PPP4R2: variants seen among roughly 807,000 people sequenced by gnomAD.
The protein encoded by PPP4R2 is protein phosphatase 4 regulatory subunit 2.
Under a neutral mutation model 47.2 loss-of-function variants are expected in PPP4R2, and 13 were observed. The ratio of observed to expected loss-of-function variants is 0.28; its 90% confidence interval spans 0.18 to 0.44. PPP4R2 has a LOEUF of 0.44. PPP4R2 is among the 20% of genes least tolerant of loss of function. The pLI, the probability that PPP4R2 is intolerant of heterozygous loss-of-function variation, is 1.00. For synonymous variants in PPP4R2, 151 were observed against 163.3 expected (o/e 0.92, Z 0.57); for missense variants, 421 against 491.2 (o/e 0.86, Z 1.35).
At chr3:73,049,119 T>A (rs1187280320) in intron 3 of PPP4R2, among the ~76,000 whole-genome samples, 7 of 152,196 alleles carry the variant, frequency 4.6e-5, no homozygotes, top group African/African-American at 1.7e-4. Context: ...TTAAAGGCAC[T>A]TATCCAAGAA....
chr3:73,001,996 T>A (rs1366154736), intron 2 of PPP4R2, among the ~76,000 whole-genome samples: 1 of 150,046 alleles, frequency 6.7e-6, no homozygotes, highest in Non-Finnish European at 1.5e-5. Flanking sequence ...TCTCCCCTTT[T>A]ATCTCTCCTG....
intron 3 of PPP4R2, among the ~76,000 whole-genome samples, chr3:73,051,513 G>GT (rs1213014821): frequency 4.6e-5 from 7 of 151,950 alleles, no homozygotes; most frequent in Non-Finnish European, 8.8e-5. Flanking sequence ...AGTTTTTGTT[G>GT]TTTTTGCTTT....
intron 2 of PPP4R2, among the ~76,000 whole-genome samples, chr3:73,033,848 A>G (rs1033273765): frequency 6.6e-6 from 1 of 152,156 alleles, no homozygotes; most frequent in Non-Finnish European, 1.5e-5. Flanking sequence ...CCTTTTAGCC[A>G]TTGTGAATAA....
intron 7 of PPP4R2, among the ~76,000 whole-genome samples, 174 bp from the exon 8 acceptor site, chr3:73,064,678 A>G (rs991671689): frequency 1.3e-5 from 2 of 152,224 alleles, no homozygotes; most frequent in Non-Finnish European, 1.5e-5. Flanking sequence ...GGAATTATTC[A>G]TCAAACAGTT....
intron 3 of PPP4R2, among the ~76,000 whole-genome samples, chr3:73,048,058 G>A (rs904460706): frequency 5.3e-5 from 8 of 152,026 alleles, no homozygotes; most frequent in African/African-American, 1.7e-4. Context: ...TGTATTTTTA[G>A]TAGAGACAGG....
chr3:73,016,813 CTTTTTTT>C lies in PPP4R2; in HGVS notation c.116+18671_116+18677del, dbSNP rs1207946652. On this transcript the variant is annotated intron_variant, in intron 2 of 8. Coordinates refer to ENST00000356692, the MANE Select transcript of PPP4R2 (RefSeq NM_174907.4). ...AACTGGCTTTACTGGTTCATTGTTT[CTTTTTTT>C]TTTTTTTTTTTTTTTAAATACAGAG... is the stretch of plus-strand genomic sequence containing the variant. Among the ~76,000 whole-genome samples the C allele has an allele frequency of 2.9e-4, 21 of 72,888 alleles. 1 individual carries two copies. The highest frequency in any genetic ancestry group is 2.5e-3 in the South Asian group (4 of 1,624). 47.8% of individuals were successfully genotyped at this position (72,888 alleles called of 152,430 possible).
At chr3:73,002,248 T>C (rs1025567326) in intron 2 of PPP4R2, among the ~76,000 whole-genome samples, 1 of 152,184 alleles carries the variant, frequency 6.6e-6, no homozygotes, top group Admixed American at 6.5e-5. Flanking sequence ...GGTTGGTTCC[T>C]TGTTTTAAAA....
chr3:73,046,608 A>G (rs150139826), intron 2 of PPP4R2, among the ~76,000 whole-genome samples: 149 of 152,306 alleles, frequency 9.8e-4, no homozygotes, highest in Middle Eastern at 3.4e-3. Context: ...TTGTGCAAGT[A>G]CTGGTTGGAT....
intron 2 of PPP4R2, among the ~76,000 whole-genome samples, chr3:73,003,706 T>C (rs1575836366): frequency 8.0e-6 from 1 of 125,338 alleles, no homozygotes; most frequent in East Asian, 2.0e-4. Context: ...TTTTTTGTTT[T>C]GTTTTTTTTT....
intron 2 of PPP4R2, among the ~76,000 whole-genome samples, 171 bp from the exon 3 acceptor site, chr3:73,047,015 T>C (rs1184791818): frequency 6.6e-6 from 1 of 152,182 alleles, no homozygotes; most frequent in Non-Finnish European, 1.5e-5. Context: ...GGATGGAGCT[T>C]GTGATAAATG....
At chr3:72,998,359 A>G (rs1701393836) in intron 2 of PPP4R2, among the ~76,000 whole-genome samples, 1 of 152,236 alleles carries the variant, frequency 6.6e-6, no homozygotes, top group South Asian at 2.1e-4. Context: ...ACGGATTTTA[A>G]AAACCTGTGT....
At chr3:73,053,294 C>T (rs1253332423) in intron 3 of PPP4R2, among the ~76,000 whole-genome samples, 1 of 145,554 alleles carries the variant, frequency 6.9e-6, no homozygotes, top group Non-Finnish European at 1.5e-5. Context: ...CTTTCTTTCT[C>T]TTAGAATAAT....
intron 2 of PPP4R2, among the ~76,000 whole-genome samples, chr3:73,031,079 A>T (rs924322905): frequency 7.2e-5 from 11 of 152,148 alleles, no homozygotes; most frequent in African/African-American, 2.7e-4. Context: ...GTAAAAAGGT[A>T]ATAGAATCAA....
At chr3:73,049,595 A>G (rs1702568379) in intron 3 of PPP4R2, among the ~76,000 whole-genome samples, 1 of 152,118 alleles carries the variant, frequency 6.6e-6, no homozygotes, top group South Asian at 2.1e-4. Context: ...TCAATAAATT[A>G]TGGCCGTCAT....
At chr3:73,003,118 ATT>A (rs11296237) in intron 2 of PPP4R2, among the ~76,000 whole-genome samples, 5 of 148,700 alleles carry the variant, frequency 3.4e-5, no homozygotes, top group South Asian at 2.1e-4. Context: ...GGAATGTTAA[ATT>A]TTTTTTTTTT....
At chr3:73,056,535 A>G (rs920819675) in intron 3 of PPP4R2, among the ~76,000 whole-genome samples, 1 of 139,678 alleles carries the variant, frequency 7.2e-6, no homozygotes, top group African/African-American at 2.5e-5. Context: ...GTCGTGTGAG[A>G]AAAGGAAGTG....
At chr3:73,060,614 T>C (rs1045870721) in intron 4 of PPP4R2, among the ~76,000 whole-genome samples, 1 of 152,176 alleles carries the variant, frequency 6.6e-6, no homozygotes, top group Non-Finnish European at 1.5e-5. Context: ...CTGTGGGATA[T>C]ATGATGCAAC....
intron 2 of PPP4R2, among the ~76,000 whole-genome samples, chr3:73,010,791 C>T (rs534967215): frequency 5.3e-5 from 8 of 152,322 alleles, no homozygotes; most frequent in African/African-American, 1.4e-4. Flanking sequence ...CCACCTGCCT[C>T]GGCCTCTCAG....
At chr3:73,020,899 C>G (rs1048977256) in intron 2 of PPP4R2, among the ~76,000 whole-genome samples, 4 of 151,778 alleles carry the variant, frequency 2.6e-5, no homozygotes, top group Non-Finnish European at 5.9e-5. Flanking sequence ...TTATAAGGGT[C>G]CTAATCCGAT....
Sources: allele counts gnomAD v4.1 joint callset (sites outside exome capture counted in the v4.1 genomes callset), GRCh38; gene constraint gnomAD v4.1.1; transcripts MANE v1.5; gene names NCBI Gene and HGNC (gene_info 2026-07-23, HGNC 2026-07-21).